DAPK1: variants seen among roughly 807,000 people sequenced by gnomAD.
DAPK1 encodes death associated protein kinase 1, also known as death-associated protein kinase 1.
In DAPK1, 56 loss-of-function variants were observed where a neutral mutation model predicts 144.9. That is an observed-to-expected ratio of 0.39 (90% CI 0.31 to 0.48). The LOEUF (loss-of-function observed/expected upper bound fraction) is 0.48. Among genes scored for constraint, DAPK1 ranks in the 20% least tolerant of loss-of-function variants. DAPK1 has a pLI of 0.95. For missense variants in DAPK1, 1,454 were observed against 1,875.4 expected (o/e 0.78, Z 4.15); for synonymous variants, 690 against 749.0 (o/e 0.92, Z 1.29).
Position 87,646,685 on chromosome 9 carries a change from G to A in DAPK1, c.1230+126G>A, listed in dbSNP as rs115632988. On this transcript the variant is annotated intron_variant, in intron 13 of 25. Coordinates refer to ENST00000408954, the MANE Select transcript of DAPK1 (RefSeq NM_004938.4). ...TTCTCAGTTTCCTGTAAAGGAAGAT[G>A]AGCTGCTTTTAAACAGCTTGGTACA... is the stretch of plus-strand genomic sequence containing the variant. The A allele has an allele frequency of 1.3e-3, 880 of 699,626 alleles. 10 individuals are homozygous for A. The African/African-American group carries it at 0.013, about 11-fold the overall frequency. 43.3% of individuals were successfully genotyped at this position (699,626 alleles called of 1,614,324 possible). A position where few individuals can be genotyped will look rare whatever the true frequency, so the allele number is the denominator to read the frequency against.
chr9:87,499,122 C>G lies in DAPK1; in HGVS notation c.45C>G (p.Thr15=), dbSNP rs374553824. 1 of 1,613,918 alleles carries G rather than the reference C, an allele frequency of 6.2e-7. No individual in the cohort carries two copies. The change falls in exon 2 of 26, where the codon ACC becomes ACG. Residue 15 remains threonine, a synonymous_variant. Transcript: ENST00000408954. ...RQENVDDYYD[T]GEELGSGQFA... ...AAAACGTGGATGATTACTACGACAC[C>G]GGCGAGGAACTTGGCAGGTAAAGGG...
intron 2 of DAPK1, among the ~76,000 whole-genome samples, chr9:87,593,197 A>G (rs998901206): frequency 2.0e-5 from 3 of 152,190 alleles, no homozygotes; most frequent in African/African-American, 7.2e-5. Context: ...TGGCCACCCA[A>G]CTGCACTAAA....
intron 2 of DAPK1, among the ~76,000 whole-genome samples, chr9:87,512,156 C>A (rs1437098433): frequency 6.6e-6 from 1 of 152,224 alleles, no homozygotes; most frequent in Non-Finnish European, 1.5e-5. Flanking sequence ...TTCCTGGGCT[C>A]AAGTGATCCT....
At chr9:87,529,298 C>T (rs1013712920) in intron 2 of DAPK1, among the ~76,000 whole-genome samples, 3 of 152,162 alleles carry the variant, frequency 2.0e-5, no homozygotes, top group Non-Finnish European at 4.4e-5. Context: ...CCTTAGGCCC[C>T]CTTGGTCGAA....
chr9:87,619,730 G>A (rs1317438790), intron 3 of DAPK1, among the ~76,000 whole-genome samples: 1 of 152,188 alleles, frequency 6.6e-6, no homozygotes, highest in East Asian at 1.9e-4. Flanking sequence ...GACTCCACGG[G>A]ACAGGCATTG....
intron 18 of DAPK1, among the ~76,000 whole-genome samples, chr9:87,660,903 G>A (rs1830822334): frequency 1.3e-5 from 2 of 152,176 alleles, no homozygotes; most frequent in Admixed American, 1.3e-4. Flanking sequence ...GGAATGCAGT[G>A]AGGCAATCTC....
chr9:87,631,985 A>C, intron 3 of DAPK1: 1 of 707,332 alleles, frequency 1.4e-6, no homozygotes, highest in Non-Finnish European at 1.7e-6. Flanking sequence ...TGTAGAAATA[A>C]AGGAAGATGA....
At position 87,610,300 on chromosome 9, in the gene DAPK1, A is replaced by G. The variant is rs562411562; in HGVS notation, c.284+5125A>G. On this transcript the variant is annotated intron_variant, in intron 3 of 25. Coordinates refer to ENST00000408954, the MANE Select transcript of DAPK1 (RefSeq NM_004938.4). ...TGTCCTCCACGTCCCATTGTTCTCTAATGAAGTCGTGCCAATACCAAAATT... is the reference window on the plus strand; with the variant it reads ...TGTCCTCCACGTCCCATTGTTCTCTGATGAAGTCGTGCCAATACCAAAATT... Among the ~76,000 whole-genome samples, 6 of 152,358 alleles carry G rather than the reference A, an allele frequency of 3.9e-5. No homozygotes were observed. The East Asian group carries it at 9.6e-4, about 24-fold the overall frequency.
chr9:87,603,797 A>G (rs1828613026), intron 2 of DAPK1, among the ~76,000 whole-genome samples: 2 of 152,146 alleles, frequency 1.3e-5, no homozygotes, highest in Non-Finnish European at 2.9e-5. Flanking sequence ...TCCGCTGACT[A>G]TCAGTGGGGC....
chr9:87,676,402 G>A (rs1277447612), intron 19 of DAPK1, among the ~76,000 whole-genome samples: 4 of 152,186 alleles, frequency 2.6e-5, no homozygotes, highest in Admixed American at 6.5e-5. Flanking sequence ...GCCACAACCC[G>A]TCCCTACCCG....
intron 9 of DAPK1, among the ~76,000 whole-genome samples, chr9:87,641,580 C>T (rs183953278): frequency 6.6e-6 from 1 of 152,262 alleles, no homozygotes; most frequent in Admixed American, 6.5e-5. Flanking sequence ...ACAAGGAATT[C>T]TCCTGCTATA....
intron 2 of DAPK1, among the ~76,000 whole-genome samples, chr9:87,555,499 TTTAG>T (rs1481093117): frequency 2.0e-5 from 3 of 150,576 alleles, no homozygotes; most frequent in Non-Finnish European, 3.0e-5. Flanking sequence ...CTTTATTTTA[TTTAG>T]TTATTTTTTT....
intron 17 of DAPK1, chr9:87,657,772 C>T (rs915734204): frequency 8.4e-6 from 4 of 474,828 alleles, no homozygotes; most frequent in Non-Finnish European, 1.5e-5. Flanking sequence ...CTGTCTCTTT[C>T]AGGCCAGCAC....
At chr9:87,633,361 G>C (rs537984792) in intron 3 of DAPK1, 2 of 985,178 alleles carry the variant, frequency 2.0e-6, no homozygotes, top group Non-Finnish European at 2.4e-6. Context: ...TATGGGTGAG[G>C]GGGGATGGAG....
At chr9:87,497,346 G>A (rs1393754436), upstream of DAPK1, 4 of 152,126 alleles carry the variant, frequency 2.6e-5, no homozygotes, top group Admixed American at 6.5e-5. Context: ...AACCTGTTTC[G>A]TGGTAAACGT....
rs1564000757 is a variant in DAPK1, at chr9:87,571,467, A to ACCCC, written c.63-33486_63-33485insCCCC. Among the ~76,000 whole-genome samples the ACCCC allele has an allele frequency of 1.7e-3, 95 of 55,964 alleles. 1 individual carries two copies. The highest frequency in any genetic ancestry group is 5.0e-3 in the Admixed American group (30 of 6,024). The allele number at this position is 55,964 out of a possible 152,430, so 36.7% of individuals were successfully genotyped here. On this transcript the variant is annotated intron_variant, in intron 2 of 25. Coordinates refer to ENST00000408954, the MANE Select transcript of DAPK1 (RefSeq NM_004938.4). ...CACACACACACACACACACACACAC[A>ACCCC]CACACACCAACACACACACACACAC...
chr9:87,602,479 C>A (rs1267344441), intron 2 of DAPK1, among the ~76,000 whole-genome samples: 1 of 152,206 alleles, frequency 6.6e-6, no homozygotes, highest in Admixed American at 6.5e-5. Context: ...TCAGGGCTAA[C>A]CTGCCTTTAC....
At chr9:87,589,068 T>G (rs1255834496) in intron 2 of DAPK1, among the ~76,000 whole-genome samples, 1 of 149,680 alleles carries the variant, frequency 6.7e-6, no homozygotes, top group Non-Finnish European at 1.5e-5. Context: ...TTTTTTTTTT[T>G]TTTTTTTTTT....
intron 2 of DAPK1, among the ~76,000 whole-genome samples, chr9:87,561,521 G>A (rs893286873): frequency 6.2e-5 from 7 of 113,300 alleles, no homozygotes; most frequent in East Asian, 2.2e-4. Flanking sequence ...GCGAGACTCC[G>A]TCTCAAAAGA....
Sources: allele counts gnomAD v4.1 joint callset (sites outside exome capture counted in the v4.1 genomes callset), GRCh38; gene constraint gnomAD v4.1.1; transcripts MANE v1.5; gene names NCBI Gene and HGNC (gene_info 2026-07-23, HGNC 2026-07-21).